Variants in ITGA1 observed in about 807,000 individuals in gnomAD.
The protein encoded by ITGA1 is integrin subunit alpha 1.
A neutral mutation model predicts 145.9 loss-of-function variants in ITGA1; 85 were observed. The observed-to-expected ratio is 0.58, with a 90% confidence interval of 0.49 to 0.70. The LOEUF (loss-of-function observed/expected upper bound fraction) is 0.70. Among genes scored for constraint, ITGA1 ranks in the 30% least tolerant of loss-of-function variants. The pLI is 0.00. For missense variants in ITGA1, 1,351 were observed against 1,418.7 expected (o/e 0.95, Z 0.77); for synonymous variants, 520 against 495.3 (o/e 1.05, Z -0.66).
intron 18 of ITGA1, among the ~76,000 whole-genome samples, chr5:52,923,479 T>C (rs1233596439): frequency 1.3e-5 from 2 of 152,048 alleles, no homozygotes; most frequent in Admixed American, 1.3e-4. Context: ...CTATCTACTG[T>C]TTAACAAAAT....
intron 1 of ITGA1, among the ~76,000 whole-genome samples, chr5:52,836,054 T>C (rs1261996503): frequency 6.6e-6 from 1 of 152,184 alleles, no homozygotes; most frequent in Non-Finnish European, 1.5e-5. Flanking sequence ...CAATCCTAAA[T>C]TGGGCGATGA....
intron 1 of ITGA1, chr5:52,824,540 CT>C: frequency 6.6e-6 from 1 of 152,304 alleles, no homozygotes; most frequent in Non-Finnish European, 1.5e-5. Flanking sequence ...ATCCGCCTGC[CT>C]TGGCCTCCCA....
At position 52,814,480 on chromosome 5, in the gene ITGA1, A is replaced by G. The variant is rs1243922078; in HGVS notation, c.61+26066A>G. Among the ~76,000 whole-genome samples the G allele has an allele frequency of 1.7e-4, 26 of 152,300 alleles. No homozygotes were observed. In the East Asian group the frequency reaches 4.8e-3, roughly 28 times the overall value. ...TTACTGTTCCTCATCAGAGATGCCAATTTGTTAGGAAAACAAAGTGCATCC... is the reference window on the plus strand; with the variant it reads ...TTACTGTTCCTCATCAGAGATGCCAGTTTGTTAGGAAAACAAAGTGCATCC... On this transcript the variant is annotated intron_variant, in intron 1 of 28. Transcript: ENST00000282588.
chr5:52,886,257 C>A (rs1750044924), intron 7 of ITGA1, among the ~76,000 whole-genome samples: 1 of 152,172 alleles, frequency 6.6e-6, no homozygotes, highest in Non-Finnish European at 1.5e-5. Flanking sequence ...TCCTGTATAT[C>A]CACCACTCAG....
chr5:52,916,458 TC>T (rs1182112535), intron 15 of ITGA1, among the ~76,000 whole-genome samples: 3 of 152,098 alleles, frequency 2.0e-5, no homozygotes, highest in African/African-American at 7.2e-5. Context: ...TTCCCAAAAA[TC>T]TACCTAGAAG....
At position 52,915,586 on chromosome 5, in the gene ITGA1, C is replaced by T; in HGVS notation, c.1980C>T (p.Ala660=). 6.2e-7 allele frequency: 1 copy of T among 1,613,816 alleles called. No homozygotes were observed. Among genetic ancestry groups the T allele is most frequent in the Non-Finnish European group, 8.5e-7 (1 of 1,179,918 alleles). Residue 660 remains alanine (A), a synonymous_variant, in exon 15 of 29, where the codon GCC becomes GCT. Coordinates refer to ENST00000282588, the MANE Select transcript of ITGA1 (RefSeq NM_181501.2). ...CTATTGGGGGCCTTGGTGGTGCTGC[C>T]CTCTTCTGGTATGTATTTTAATAAC... ...DVTIGGLGGA[A]LFWSRDVAVV... is the part of the protein sequence containing the mutation.
chr5:52,943,633 C>A (rs554121749), intron 26 of ITGA1, among the ~76,000 whole-genome samples: 1 of 152,262 alleles, frequency 6.6e-6, no homozygotes, highest in African/African-American at 2.4e-5. Context: ...GCCACAGGCT[C>A]TCTCGGGCAG....
intron 17 of ITGA1, 109 bp downstream of exon 17, chr5:52,920,577 T>C (rs1342083790): frequency 1.0e-5 from 9 of 890,422 alleles, no homozygotes; most frequent in South Asian, 5.7e-5. Context: ...AATGCACTTA[T>C]GATGTCATAA....
At chr5:52,910,740 GTA>G (rs1165350853) in intron 14 of ITGA1, among the ~76,000 whole-genome samples, 1 of 145,190 alleles carries the variant, frequency 6.9e-6, no homozygotes, top group Non-Finnish European at 1.5e-5. Context: ...TATATAGTAT[GTA>G]TAGTGTTCCT....
At chr5:52,790,834 C>T (rs1297932104) in intron 1 of ITGA1, among the ~76,000 whole-genome samples, 1 of 152,230 alleles carries the variant, frequency 6.6e-6, no homozygotes, top group Non-Finnish European at 1.5e-5. Flanking sequence ...TTCTGCCTAC[C>T]ACAACCCATA....
chr5:52,800,872 C>T lies in ITGA1; in HGVS notation c.61+12458C>T, dbSNP rs2111663271. 6.2e-7 allele frequency: 1 copy of T among 1,611,272 alleles called. No homozygotes were observed. Among genetic ancestry groups the T allele is most frequent in the Non-Finnish European group, 8.5e-7 (1 of 1,178,186 alleles). ...AGTCACTCCCAGCATGACCCTCACT[C>T]GGGCCAAGGTGGAGGTGAACATCCC... On this transcript the variant is annotated intron_variant, in intron 1 of 28. Coordinates refer to ENST00000282588, the MANE Select transcript of ITGA1 (RefSeq NM_181501.2).
At chr5:52,866,204 T>C (rs1193555357) in intron 6 of ITGA1, among the ~76,000 whole-genome samples, 2 of 152,104 alleles carry the variant, frequency 1.3e-5, no homozygotes, top group Non-Finnish European at 2.9e-5. Flanking sequence ...GTAATAGAGA[T>C]GGGGTTTCAT....
intron 24 of ITGA1, 64 bp from the exon 25 acceptor site, chr5:52,939,526 A>C: frequency 9.5e-7 from 1 of 1,056,448 alleles, no homozygotes; most frequent in Non-Finnish European, 1.5e-6. Flanking sequence ...ACACTACTGC[A>C]GCAAGTCATG....
In ITGA1 at chr5:52,937,410, A is replaced by T; in HGVS notation, c.2974A>T (p.Ser992Cys). The change falls in exon 24 of 29, where the codon AGT (serine) becomes TGT (cysteine). Residue 992 changes from serine to cysteine, a missense_variant. Ser to Cys is a moderately radical substitution (Grantham distance 112). Coordinates refer to ENST00000282588, the MANE Select transcript of ITGA1 (RefSeq NM_181501.2). ...EINIFYLIRK[S>C]GSFPMPELKL... The stretch of plus-strand genomic sequence containing the variant: ...CATTTTTTTCTTGTAGATTAGAAAA[A>T]GTGGATCTTTTCCAATGCCAGAGCT... 6.2e-7 allele frequency: 1 copy of T among 1,607,088 alleles called. No individual in the cohort carries two copies. The highest frequency in any genetic ancestry group is 1.3e-5 in the African/African-American group (1 of 74,930).
intron 6 of ITGA1, among the ~76,000 whole-genome samples, chr5:52,866,046 A>G (rs1460939058): frequency 6.7e-6 from 1 of 149,736 alleles, no homozygotes; most frequent in African/African-American, 2.5e-5. Flanking sequence ...ACAGAGTCTC[A>G]CTCTGTTGCC....
chr5:52,819,310 T>C (rs1017516984), intron 1 of ITGA1, among the ~76,000 whole-genome samples: 1 of 152,186 alleles, frequency 6.6e-6, no homozygotes, highest in African/African-American at 2.4e-5. Context: ...CAGCACCTGT[T>C]GTTTCCTGAC....
intron 16 of ITGA1, 48 bp downstream of exon 16, chr5:52,918,946 T>C: frequency 6.8e-7 from 1 of 1,468,224 alleles, no homozygotes; most frequent in Non-Finnish European, 9.2e-7. Context: ...GGACAATATA[T>C]TTGCTCTAGC....
At position 52,850,163 on chromosome 5, in the gene ITGA1, G is replaced by A. The variant is rs79140200; in HGVS notation, c.182+678G>A. On this transcript the variant is annotated intron_variant, in intron 2 of 28. Transcript: ENST00000282588. Reference sequence around the variant, plus strand: ...ATTACAGGCGTGTACCACCATGCCCGGCTAATTTTTGTATTTCTAGTAGAG... The same window carrying A: ...ATTACAGGCGTGTACCACCATGCCCAGCTAATTTTTGTATTTCTAGTAGAG... Among the ~76,000 whole-genome samples, 364 of 151,856 alleles carry A rather than the reference G, an allele frequency of 2.4e-3. 7 individuals are homozygous for A. The East Asian group carries it at 0.059, about 24-fold the overall frequency.
intron 1 of ITGA1, among the ~76,000 whole-genome samples, chr5:52,794,742 C>T (rs990423523): frequency 3.3e-5 from 5 of 151,892 alleles, no homozygotes; most frequent in African/African-American, 9.7e-5. Flanking sequence ...CAGTCATCCA[C>T]TTAGCTTTGC....
Sources: allele counts gnomAD v4.1 joint callset (sites outside exome capture counted in the v4.1 genomes callset), GRCh38; gene constraint gnomAD v4.1.1; transcripts MANE v1.5; gene names NCBI Gene and HGNC (gene_info 2026-07-23, HGNC 2026-07-21).